The following RGS5 variants were observed in gnomAD, a reference collection of about 807,000 sequenced individuals.
RGS5 encodes regulator of G protein signaling 5, also known as regulator of G-protein signalling 5.
In RGS5, 20 loss-of-function variants were observed where a neutral mutation model predicts 18.9. The ratio of observed to expected loss-of-function variants is 1.06; its 90% CI spans 0.74 to 1.54. The LOEUF is 1.54. RGS5 is among the 40% of genes most tolerant of loss of function. The pLI, the probability that RGS5 is intolerant of heterozygous loss-of-function variation, is 0.00. For synonymous variants in RGS5, 57 were observed against 76.2 expected, an observed-to-expected ratio of 0.75 and a Z score of 1.31; for missense variants, 201 against 211.8, an observed-to-expected ratio of 0.95 and a Z score of 0.32.
At chr1:163,300,869 A>C (rs1649535275) in intron 2 of RGS5, among the ~76,000 whole-genome samples, 1 of 152,220 alleles carries the variant, frequency 6.6e-6, no homozygotes. Context: ...ACAGCTGTGC[A>C]CTTACCAAGT....
chr1:163,312,034 C>G (rs1270291107), intron 1 of RGS5, among the ~76,000 whole-genome samples: 3 of 152,204 alleles, frequency 2.0e-5, no homozygotes, highest in African/African-American at 7.2e-5. Flanking sequence ...CCACTCAAAT[C>G]TCATCTTGAA....
upstream of RGS5, among the ~76,000 whole-genome samples, chr1:163,221,991 G>C (rs990879107): frequency 1.3e-5 from 2 of 152,122 alleles, no homozygotes; most frequent in African/African-American, 4.8e-5. Context: ...CTATAATAAT[G>C]ACCTTTACTC....
chr1:163,317,576 G>A (rs898748437), intron 1 of RGS5, among the ~76,000 whole-genome samples: 5 of 152,144 alleles, frequency 3.3e-5, no homozygotes, highest in Admixed American at 3.3e-4. Flanking sequence ...TTTTCTCAGA[G>A]TAGCGATTCA....
At chr1:163,193,068 A>C (rs979292707) in intron 1 of RGS5, among the ~76,000 whole-genome samples, 1 of 152,160 alleles carries the variant, frequency 6.6e-6, no homozygotes, top group African/African-American at 2.4e-5. Context: ...AATAATAACA[A>C]ACACTTGCAA....
In RGS5 at chr1:163,146,464, C is replaced by T. The variant is rs1657131954; in HGVS notation, c.*878G>A. On this transcript the variant is annotated 3_prime_UTR_variant, in exon 5 of 5. Transcript: ENST00000313961. ...CTTGATATTTAGGTGGGAGACTACT[C>T]CAATGGAGCAACAGTTTCATTTTAC... The T allele has an allele frequency of 6.6e-6, 1 of 151,988 alleles. No individual in the cohort carries two copies. The highest frequency in any genetic ancestry group is 2.4e-5 in the African/African-American group (1 of 41,390). The allele number at this position is 151,988 out of a possible 1,614,324, so 9.4% of individuals were successfully genotyped here.
chr1:163,253,942 T>G (rs1414334243), intron 2 of RGS5, among the ~76,000 whole-genome samples: 1 of 151,954 alleles, frequency 6.6e-6, no homozygotes, highest in Non-Finnish European at 1.5e-5. Flanking sequence ...AGAATGATGA[T>G]TTCCAATTTC....
intron 2 of RGS5, among the ~76,000 whole-genome samples, chr1:163,230,702 A>T (rs1647457519): frequency 6.6e-6 from 1 of 152,248 alleles, no homozygotes; most frequent in Admixed American, 6.5e-5. Flanking sequence ...TCTGTAAAGG[A>T]TAAAAGATTT....
chr1:163,155,859 A>G (rs963511780), intron 3 of RGS5, among the ~76,000 whole-genome samples: 2 of 152,088 alleles, frequency 1.3e-5, no homozygotes, highest in African/African-American at 2.4e-5. Flanking sequence ...TAGAAAGCCA[A>G]TGAAACCCAC....
intron 2 of RGS5, chr1:163,238,816 A>C (rs1647703268): frequency 5.9e-6 from 1 of 168,966 alleles, no homozygotes; most frequent in African/African-American, 2.4e-5. Flanking sequence ...AAAGTCAATG[A>C]CTCTTTTTGC....
intron 2 of RGS5, among the ~76,000 whole-genome samples, chr1:163,250,798 AG>A (rs1648087452): frequency 6.6e-6 from 1 of 152,212 alleles, no homozygotes; most frequent in Non-Finnish European, 1.5e-5. Flanking sequence ...AATAACTTCT[AG>A]GGTTGTCTGA....
At chr1:163,174,696 T>A (rs907578699) in intron 1 of RGS5, among the ~76,000 whole-genome samples, 15 of 152,162 alleles carry the variant, frequency 9.9e-5, no homozygotes, top group Admixed American at 2.0e-4. Context: ...ATAATTGCAA[T>A]CACTAGCAAT....
At chr1:163,149,078 AG>A (rs1657268439) in intron 4 of RGS5, among the ~76,000 whole-genome samples, 1 of 152,218 alleles carries the variant, frequency 6.6e-6, no homozygotes, top group Non-Finnish European at 1.5e-5. Flanking sequence ...TCTAGGATGA[AG>A]GGCGTTGAGC....
chr1:163,287,282 T>C (rs1649168841), intron 2 of RGS5, among the ~76,000 whole-genome samples: 1 of 152,114 alleles, frequency 6.6e-6, no homozygotes. Context: ...GCAGAACAGT[T>C]CCCCCTTTGA....
chr1:163,160,113 T>C (rs914147777), intron 3 of RGS5, among the ~76,000 whole-genome samples: 2 of 152,206 alleles, frequency 1.3e-5, no homozygotes, highest in African/African-American at 2.4e-5. Flanking sequence ...AGTAGCTCTC[T>C]GTCTCCTAAA....
intron 1 of RGS5, among the ~76,000 whole-genome samples, chr1:163,173,907 C>T (rs1021934893): frequency 2.0e-5 from 3 of 152,034 alleles, no homozygotes; most frequent in Admixed American, 6.6e-5. Context: ...AACCCCATCT[C>T]TACTGAAAAT....
chr1:163,176,502 T>C (rs1658564382), intron 1 of RGS5, among the ~76,000 whole-genome samples: 1 of 151,934 alleles, frequency 6.6e-6, no homozygotes, highest in African/African-American at 2.4e-5. Context: ...ATGCCTGCAA[T>C]CCCAGCTACT....
chr1:163,188,096 G>A (rs952582125), intron 1 of RGS5, among the ~76,000 whole-genome samples: 5 of 151,988 alleles, frequency 3.3e-5, no homozygotes, highest in African/African-American at 9.7e-5. Context: ...GAGTTTTTCC[G>A]ACATAGTATG....
At chr1:163,180,924 G>A (rs7541425) in intron 1 of RGS5, among the ~76,000 whole-genome samples, 31,123 of 151,734 alleles carry the variant, frequency 0.21, 3,574 homozygotes, top group African/African-American at 0.31. Context: ...TCGATATCCC[G>A]ACCTCGTGAT....
At chr1:163,316,551 A>T in intron 1 of RGS5, among the ~76,000 whole-genome samples, 1 of 151,034 alleles carries the variant, frequency 6.6e-6, no homozygotes, top group Non-Finnish European at 1.5e-5. Flanking sequence ...CTATGATGAC[A>T]CCAGCCTGGG....
Sources: gnomAD v4.1 joint callset for allele counts (sites outside exome capture counted in the v4.1 genomes callset) on GRCh38, gnomAD v4.1.1 for gene constraint, MANE v1.5 for transcripts, NCBI Gene and HGNC (gene_info 2026-07-23, HGNC 2026-07-21) for gene names.